GALNT18: variants seen among roughly 807,000 people sequenced by gnomAD.
The protein encoded by GALNT18 is GalNAc-transferase 18.
In GALNT18, 44 loss-of-function variants were observed where a neutral mutation model predicts 69.5. The observed-to-expected ratio is 0.63, with a 90% CI of 0.50 to 0.81. The LOEUF (loss-of-function observed/expected upper bound fraction) is 0.81. Ranked by LOEUF, GALNT18 falls within the 40% of genes least tolerant of loss-of-function variation. GALNT18 has a pLI of 0.00. For synonymous variants in GALNT18, 364 were observed against 318.2 expected (o/e 1.14, Z -1.53); for missense variants, 715 against 810.0 (o/e 0.88, Z 1.42).
chr11:11,597,524 A>G (rs112817703), intron 1 of GALNT18, among the ~76,000 whole-genome samples: 1,894 of 152,250 alleles, frequency 0.012, 47 homozygotes, highest in African/African-American at 0.044. Context: ...GGTAGTTTGC[A>G]TCAGTCTAAG....
At position 11,470,527 on chromosome 11, in the gene GALNT18, T is replaced by C. The variant is rs374244731; in HGVS notation, c.236-21591A>G. 2.6e-5 allele frequency among the ~76,000 whole-genome samples: 4 copies of C among 152,208 alleles called. No homozygotes were observed. Among genetic ancestry groups the C allele is most frequent in the Admixed American group, 6.5e-5 (1 of 15,282 alleles). ...CATGCTGTAGACCCCATTATTCCTA[T>C]GCTAGAGGCTTGGGGATAGTGATAG... On this transcript the variant is annotated intron_variant, in intron 1 of 10. Transcript: ENST00000227756. The surrounding 1 kb of genome is among the most constrained non-coding windows in gnomAD (Gnocchi z 4.8).
chr11:11,514,426 A>AATGG (rs1380817560), intron 1 of GALNT18, among the ~76,000 whole-genome samples: 16 of 152,184 alleles, frequency 1.1e-4, no homozygotes, highest in Admixed American at 1.0e-3. Flanking sequence ...TTGTAATGAC[A>AATGG]ATGGATGGCA....
intron 3 of GALNT18, among the ~76,000 whole-genome samples, chr11:11,417,433 G>C (rs1453614662): frequency 6.6e-6 from 1 of 152,188 alleles, no homozygotes; most frequent in African/African-American, 2.4e-5. Flanking sequence ...CATTTCAAGA[G>C]AAGCTTCTGC....
intron 1 of GALNT18, among the ~76,000 whole-genome samples, chr11:11,565,290 C>G (rs1858617717): frequency 6.6e-6 from 1 of 152,176 alleles, no homozygotes; most frequent in Non-Finnish European, 1.5e-5. Context: ...TGGCTGGGAT[C>G]CCCAACTCTA....
intron 9 of GALNT18, among the ~76,000 whole-genome samples, chr11:11,295,514 A>G (rs1849384356): frequency 6.6e-6 from 1 of 151,978 alleles, no homozygotes; most frequent in African/African-American, 2.4e-5. Context: ...TGCTGAATAA[A>G]CACCCCAAGT....
intron 1 of GALNT18, among the ~76,000 whole-genome samples, chr11:11,579,140 C>A (rs1859008327): frequency 6.6e-6 from 1 of 152,210 alleles, no homozygotes; most frequent in African/African-American, 2.4e-5. Context: ...CACAATCCCA[C>A]TGGAGAAAAA....
chr11:11,578,072 T>C (rs978876700), intron 1 of GALNT18, among the ~76,000 whole-genome samples: 8 of 152,136 alleles, frequency 5.3e-5, no homozygotes, highest in African/African-American at 1.9e-4. Flanking sequence ...TTGCCAGCAT[T>C]GACCTGGGGC....
intron 1 of GALNT18, among the ~76,000 whole-genome samples, chr11:11,545,174 C>T (rs1376033939): frequency 6.6e-6 from 1 of 152,232 alleles, no homozygotes; most frequent in Non-Finnish European, 1.5e-5. Flanking sequence ...AATAGCAGGC[C>T]TCAATGCCAA....
chr11:11,419,470 G>A (rs916881955), intron 3 of GALNT18, among the ~76,000 whole-genome samples: 2 of 151,584 alleles, frequency 1.3e-5, no homozygotes, highest in African/African-American at 4.8e-5. Context: ...GGTAGCGCAC[G>A]CCTGTAATCC....
chr11:11,449,736 T>C (rs1271635667), intron 1 of GALNT18, among the ~76,000 whole-genome samples: 1 of 152,196 alleles, frequency 6.6e-6, no homozygotes, highest in Non-Finnish European at 1.5e-5. Context: ...CTCCACCACG[T>C]CCTGGCTACA....
intron 6 of GALNT18, chr11:11,352,916 T>G: frequency 6.2e-7 from 1 of 1,614,186 alleles, no homozygotes; most frequent in Non-Finnish European, 8.5e-7. Flanking sequence ...GCTTGAGAAT[T>G]TTAACAACAA....
chr11:11,327,303 C>T, intron 8 of GALNT18, 122 bp from the exon 9 acceptor site: 1 of 740,486 alleles, frequency 1.4e-6, no homozygotes, highest in East Asian at 2.7e-5. Context: ...AGCCCAAGGC[C>T]CTTGAACACT....
At chr11:11,547,638 C>T (rs1858090148) in intron 1 of GALNT18, among the ~76,000 whole-genome samples, 1 of 152,184 alleles carries the variant, frequency 6.6e-6, no homozygotes, top group Non-Finnish European at 1.5e-5. Context: ...CTTGCTCAAG[C>T]AAGCCCCTGC....
intron 9 of GALNT18, among the ~76,000 whole-genome samples, chr11:11,300,574 CTG>C (rs763834361): frequency 6.6e-6 from 1 of 152,138 alleles, no homozygotes; most frequent in Non-Finnish European, 1.5e-5. Flanking sequence ...GAGTGTGACA[CTG>C]TCTAGGGAGT....
At position 11,614,078 on chromosome 11, in the gene GALNT18, CA is replaced by C. The variant is rs1356065223; in HGVS notation, c.235+7280del. ...CAAAAAGCCAAGCTTGGCTTTCTGCCACAAACCAAAGGAGACCCTCAAGACC... is the reference window on the plus strand; with the variant it reads ...CAAAAAGCCAAGCTTGGCTTTCTGCCCAAACCAAAGGAGACCCTCAAGACC... On this transcript the variant is annotated intron_variant, in intron 1 of 10. Coordinates refer to ENST00000227756, the MANE Select transcript of GALNT18 (RefSeq NM_198516.3). This position sits in a 1 kb window ranked among gnomAD's most constrained non-coding sequence, Gnocchi z 5.6. Among the ~76,000 whole-genome samples the C allele has an allele frequency of 6.6e-6, 1 of 152,180 alleles. No homozygotes were observed. The highest frequency in any genetic ancestry group is 1.5e-5 in the Non-Finnish European group (1 of 68,034).
rs1683591965 is a variant in GALNT18, at chr11:11,421,337, T to C, written c.595+11284A>G. 6.6e-6 allele frequency among the ~76,000 whole-genome samples: 1 copy of C among 151,990 alleles called. No homozygotes were observed. The highest frequency in any genetic ancestry group is 1.5e-5 in the Non-Finnish European group (1 of 68,018). On this transcript the variant is annotated intron_variant, in intron 3 of 10. Transcript: ENST00000227756. This position sits in a 1 kb window ranked among gnomAD's most constrained non-coding sequence, Gnocchi z 5.6. Reference sequence around the variant, plus strand: ...AAGAGGCGGGTGACTCAAGAGCTGATATACTTAGGCATCACTAAGGATGCT... The same window carrying C: ...AAGAGGCGGGTGACTCAAGAGCTGACATACTTAGGCATCACTAAGGATGCT...
At chr11:11,530,866 T>C (rs1857630246) in intron 1 of GALNT18, among the ~76,000 whole-genome samples, 1 of 152,160 alleles carries the variant, frequency 6.6e-6, no homozygotes, top group South Asian at 2.1e-4. Context: ...AAAGTCCTAC[T>C]GAGACTAGCA....
At chr11:11,280,826 C>G (rs929212759) in intron 10 of GALNT18, among the ~76,000 whole-genome samples, 9 of 152,164 alleles carry the variant, frequency 5.9e-5, no homozygotes, top group African/African-American at 2.2e-4. Flanking sequence ...AGCACAGCCT[C>G]AAGTTGTCCT....
At chr11:11,388,459 C>T (rs1404021098) in intron 3 of GALNT18, among the ~76,000 whole-genome samples, 1 of 152,226 alleles carries the variant, frequency 6.6e-6, no homozygotes, top group African/African-American at 2.4e-5. Flanking sequence ...CAAAGTTTAA[C>T]ACAGTCTCCC....
Sources: gnomAD v4.1 joint callset for allele counts (sites outside exome capture counted in the v4.1 genomes callset) on GRCh38, gnomAD v4.1.1 for gene constraint, Gnocchi (gnomAD v3.1) non-coding constraint, MANE v1.5 for transcripts, NCBI Gene and HGNC (gene_info 2026-07-23, HGNC 2026-07-21) for gene names.